The following LRP1B variants were observed in gnomAD, a reference collection of about 807,000 sequenced individuals.
The protein encoded by LRP1B is LDL receptor related protein 1B.
In LRP1B, 217 loss-of-function variants were observed where a neutral mutation model predicts 556.6. The ratio of observed to expected loss-of-function variants is 0.39; its 90% CI spans 0.35 to 0.44. The LOEUF (loss-of-function observed/expected upper bound fraction) is 0.44. Among genes scored for constraint, LRP1B ranks in the 20% least tolerant of loss-of-function variants. The pLI, the probability that LRP1B is intolerant of heterozygous loss-of-function variation, is 1.00. For synonymous variants in LRP1B, 2,047 were observed against 1,865.8 expected, an observed-to-expected ratio of 1.10 and a Z score of -2.50; for missense variants, 5,053 against 5,620.8, an observed-to-expected ratio of 0.90 and a Z score of 3.23.
intron 2 of LRP1B, among the ~76,000 whole-genome samples, chr2:141,543,381 A>G (rs2105213773): frequency 6.6e-6 from 1 of 151,696 alleles, no homozygotes; most frequent in South Asian, 2.1e-4. Context: ...CAGGCATGAC[A>G]GTATGCACCT....
At chr2:141,401,345 G>A (rs1352080803) in intron 3 of LRP1B, among the ~76,000 whole-genome samples, 3 of 152,148 alleles carry the variant, frequency 2.0e-5, no homozygotes, top group African/African-American at 7.2e-5. Context: ...ACATGGTTAT[G>A]AAGTAGAACA....
Position 140,867,774 on chromosome 2 carries a change from A to C in LRP1B, c.4395T>G (p.Gly1465=). Residue 1465 remains glycine, a synonymous_variant, in exon 27 of 91, where the codon GGT becomes GGG. Transcript: ENST00000389484. ...CAAAGGGATGGGAAAGGTATTCATG[A>C]CCTCGGATGATTTCTATCATGTTTG... is the stretch of plus-strand genomic sequence containing the variant. ...DGTNMIEIIR[G]HEYLSHPFAV... 3 of 1,607,400 alleles carry C rather than the reference A, an allele frequency of 1.9e-6. No homozygotes were observed. Among genetic ancestry groups the C allele is most frequent in the Non-Finnish European group, 2.5e-6 (3 of 1,176,570 alleles).
intron 23 of LRP1B, among the ~76,000 whole-genome samples, chr2:140,887,989 G>C (rs906117067): frequency 1.3e-5 from 2 of 152,088 alleles, no homozygotes; most frequent in African/African-American, 4.8e-5. Context: ...AAACTGAATT[G>C]TGCACTTTAA....
intron 2 of LRP1B, among the ~76,000 whole-genome samples, chr2:141,685,239 G>A (rs1365818656): frequency 6.6e-6 from 1 of 151,968 alleles, no homozygotes; most frequent in African/African-American, 2.4e-5. Flanking sequence ...TACAGATGGA[G>A]CAAAATTTTG....
At chr2:140,416,434 T>C (rs1449505612) in intron 66 of LRP1B, among the ~76,000 whole-genome samples, 2 of 152,120 alleles carry the variant, frequency 1.3e-5, no homozygotes, top group Non-Finnish European at 2.9e-5. Context: ...GGTGGGCAGA[T>C]CACTTGAGCT....
At chr2:141,932,484 T>C (rs111345572) in intron 1 of LRP1B, among the ~76,000 whole-genome samples, 6 of 152,178 alleles carry the variant, frequency 3.9e-5, no homozygotes, top group African/African-American at 1.2e-4. Flanking sequence ...CCCTCTATTT[T>C]ACATTTTTCA....
chr2:140,779,406 A>T (rs1227888423), intron 32 of LRP1B, among the ~76,000 whole-genome samples: 1 of 152,094 alleles, frequency 6.6e-6, no homozygotes, highest in East Asian at 1.9e-4. Flanking sequence ...AATTAAGTGT[A>T]AGAAGTGTGG....
chr2:142,130,285 G>T (rs1365031886), intron 1 of LRP1B, among the ~76,000 whole-genome samples: 3 of 152,230 alleles, frequency 2.0e-5, no homozygotes, highest in African/African-American at 7.2e-5. Context: ...GCAAAAGCTC[G>T]CAGTTGAGGG....
In LRP1B at chr2:140,501,686, C is replaced by G. The variant is rs1200203490; in HGVS notation, c.8850+1G>C. Reference sequence around the variant, plus strand: ...ATTTGCTACTTTTGATGAGTACCTACCTTATAACTGACCGGAAGGTCTTGA... The same window carrying G: ...ATTTGCTACTTTTGATGAGTACCTAGCTTATAACTGACCGGAAGGTCTTGA... On this transcript the variant is annotated splice_donor_variant, in intron 55 of 90. Coordinates refer to ENST00000389484, the MANE Select transcript of LRP1B (RefSeq NM_018557.3). LOFTEE classifies it high-confidence loss of function. The G allele has an allele frequency of 6.2e-7, 1 of 1,607,544 alleles. No individual in the cohort carries two copies. The highest frequency in any genetic ancestry group is 8.5e-7 in the Non-Finnish European group (1 of 1,176,246).
At chr2:140,787,284 T>C (rs1689938716) in intron 32 of LRP1B, among the ~76,000 whole-genome samples, 1 of 152,152 alleles carries the variant, frequency 6.6e-6, no homozygotes, top group Admixed American at 6.5e-5. Context: ...TCTGTGCCAT[T>C]TTGTGCTGGC....
At chr2:142,085,504 A>C (rs146734716) in intron 1 of LRP1B, among the ~76,000 whole-genome samples, 12 of 152,148 alleles carry the variant, frequency 7.9e-5, no homozygotes, top group African/African-American at 2.9e-4. Flanking sequence ...TTTCCCATAC[A>C]TGAAGATTAT....
chr2:140,908,038 A>G lies in LRP1B; in HGVS notation c.3359T>C (p.Ile1120Thr), dbSNP rs370353437. ...TTCATCTGACTGATCTTCGCAATCA[A>G]TATCTCCATCACACACCCATGCTTT... ...INKAWVCDGD[I>T]DCEDQSDEDD... Residue 1120 changes from isoleucine to threonine, a missense_variant, in exon 22 of 91, where the codon ATT becomes ACT. Ile to Thr is a moderately conservative substitution (Grantham distance 89). Around this residue, in one of 5 missense-constraint regions of LRP1B, gnomAD observed 3,619 missense variants for 3,931.9 expected, o/e 0.92. Coordinates refer to ENST00000389484, the MANE Select transcript of LRP1B (RefSeq NM_018557.3). 5 of 1,613,302 alleles carry G rather than the reference A, an allele frequency of 3.1e-6. No individual in the cohort carries two copies. The African/African-American group carries it at 4.0e-5, about 13-fold the overall frequency.
intron 1 of LRP1B, among the ~76,000 whole-genome samples, chr2:142,072,603 TG>T (rs1473773552): frequency 1.3e-5 from 2 of 151,992 alleles, no homozygotes; most frequent in African/African-American, 2.4e-5. Context: ...TGATTTTTTT[TG>T]TTTAGCTCAT....
chr2:140,738,924 G>A (rs1013825977), intron 35 of LRP1B, among the ~76,000 whole-genome samples: 2 of 152,166 alleles, frequency 1.3e-5, no homozygotes, highest in African/African-American at 2.4e-5. Flanking sequence ...AATAGCACCA[G>A]CACCTCTTAG....
At chr2:141,574,082 C>T (rs1686640046) in intron 2 of LRP1B, among the ~76,000 whole-genome samples, 1 of 152,148 alleles carries the variant, frequency 6.6e-6, no homozygotes. Context: ...GGACTCCTCC[C>T]TAACTCATTT....
intron 44 of LRP1B, 87 bp downstream of exon 44, chr2:140,541,691 TC>T (rs1161360227): frequency 9.4e-7 from 1 of 1,066,824 alleles, no homozygotes; most frequent in Non-Finnish European, 1.3e-6. Context: ...AAAAAGCAAA[TC>T]CAACTATTAC....
intron 2 of LRP1B, among the ~76,000 whole-genome samples, chr2:141,785,190 T>C (rs1695389780): frequency 6.6e-6 from 1 of 151,954 alleles, no homozygotes; most frequent in Non-Finnish European, 1.5e-5. Context: ...ATTCCTTTTT[T>C]CCCCTACAGT....
intron 2 of LRP1B, among the ~76,000 whole-genome samples, chr2:141,546,932 G>A (rs1685576872): frequency 6.6e-6 from 1 of 152,036 alleles, no homozygotes; most frequent in African/African-American, 2.4e-5. Context: ...TTTCATATTG[G>A]GTTGTAGATC....
chr2:140,440,442 G>C (rs1247821595), intron 66 of LRP1B, among the ~76,000 whole-genome samples: 4 of 152,128 alleles, frequency 2.6e-5, no homozygotes, highest in Admixed American at 2.0e-4. Flanking sequence ...TAAGGACTTG[G>C]CATAACATGG....
Sources: gnomAD v4.1 joint callset for allele counts (sites outside exome capture counted in the v4.1 genomes callset) on GRCh38, gnomAD v4.1.1 for gene constraint, gnomAD v4.1.1 regional missense constraint, MANE v1.5 for transcripts, NCBI Gene and HGNC (gene_info 2026-07-23, HGNC 2026-07-21) for gene names.